PCDH15: variants seen among roughly 807,000 people sequenced by gnomAD.
PCDH15 encodes protocadherin related 15.
A neutral mutation model predicts 178.5 loss-of-function variants in PCDH15; 129 were observed. The observed-to-expected ratio is 0.72, with a 90% CI of 0.63 to 0.84. PCDH15 has a LOEUF of 0.84. PCDH15 is among the 40% of genes least tolerant of loss of function. The pLI, the probability that PCDH15 is intolerant of heterozygous loss-of-function variation, is 0.00. For missense variants in PCDH15, 2,230 were observed against 2,099.9 expected (o/e 1.06, Z -1.21); for synonymous variants, 800 against 732.0 (o/e 1.09, Z -1.50).
At chr10:55,340,166 A>G (rs1844512552) in intron 2 of PCDH15, among the ~76,000 whole-genome samples, 2 of 151,198 alleles carry the variant, frequency 1.3e-5, no homozygotes, top group African/African-American at 4.8e-5. Context: ...ACATATATAT[A>G]GTACCAATAT....
intron 1 of PCDH15, among the ~76,000 whole-genome samples, chr10:54,769,239 C>T (rs1002040298): frequency 4.0e-4 from 60 of 151,784 alleles, no homozygotes; most frequent in South Asian, 2.1e-4. Flanking sequence ...AAGTTAACAG[C>T]GACCTGGTGT....
intron 2 of PCDH15, among the ~76,000 whole-genome samples, chr10:55,500,635 A>T (rs1218572398): frequency 2.0e-5 from 3 of 151,814 alleles, no homozygotes; most frequent in Non-Finnish European, 4.4e-5. Flanking sequence ...TATTGATCTC[A>T]CATAGAATAG....
chr10:55,312,035 T>C (rs995057374), intron 1 of PCDH15, among the ~76,000 whole-genome samples: 7 of 152,036 alleles, frequency 4.6e-5, no homozygotes, highest in African/African-American at 9.7e-5. Context: ...TTAAAAGAGG[T>C]TGTAATGTGG....
intron 2 of PCDH15, among the ~76,000 whole-genome samples, chr10:55,592,608 T>C (rs1403791197): frequency 6.6e-6 from 1 of 152,160 alleles, no homozygotes; most frequent in Non-Finnish European, 1.5e-5. Context: ...TATTCCATGT[T>C]TCTCAAGTTA....
intron 2 of PCDH15, among the ~76,000 whole-genome samples, chr10:54,602,251 T>C (rs542345181): frequency 1.5e-4 from 23 of 152,108 alleles, no homozygotes; most frequent in Admixed American, 1.4e-3. Flanking sequence ...TCAAAGTATT[T>C]ATTCTTATTA....
chr10:54,395,459 G>T (rs74430001), intron 3 of PCDH15, among the ~76,000 whole-genome samples: 1 of 146,804 alleles, frequency 6.8e-6, no homozygotes, highest in Admixed American at 6.8e-5. Context: ...CCCACATTAA[G>T]AACCCACTAA....
At chr10:54,426,990 T>C (rs1956344895) in intron 3 of PCDH15, among the ~76,000 whole-genome samples, 3 of 151,994 alleles carry the variant, frequency 2.0e-5, no homozygotes, top group Admixed American at 2.0e-4. Context: ...CTTAAGTAAA[T>C]GTTTGACAAA....
chr10:54,696,917 A>C (rs1338789349), intron 1 of PCDH15, among the ~76,000 whole-genome samples: 1 of 152,056 alleles, frequency 6.6e-6, no homozygotes, highest in East Asian at 1.9e-4. Flanking sequence ...TCCCCTGACC[A>C]TCAGGCTGTC....
intron 5 of PCDH15, among the ~76,000 whole-genome samples, chr10:54,357,819 T>C (rs1839384925): frequency 6.6e-6 from 1 of 151,936 alleles, no homozygotes; most frequent in Non-Finnish European, 1.5e-5. Context: ...AACAGAGATA[T>C]AGATCAATGG....
At position 54,873,523 on chromosome 10, in the gene PCDH15, C is replaced by T. The variant is rs955316027; in HGVS notation, c.-29+23927G>A. On this transcript the variant is annotated intron_variant, in intron 3 of 5. Coordinates refer to the PCDH15 transcript ENST00000458638. The stretch of plus-strand genomic sequence containing the variant: ...TGTATGTATATATATAATGTATATA[C>T]GTGTATGTATAGATATATGTATGTG... Among the ~76,000 whole-genome samples the T allele has an allele frequency of 8.5e-5, 12 of 141,736 alleles. No individual in the cohort carries two copies. In the South Asian group the frequency reaches 9.0e-4, roughly 11 times the overall value. 93.0% of individuals were successfully genotyped at this position (141,736 alleles called of 152,430 possible).
At chr10:55,260,022 G>A in intron 1 of PCDH15, among the ~76,000 whole-genome samples, 1 of 150,884 alleles carries the variant, frequency 6.6e-6, no homozygotes, top group East Asian at 1.9e-4. Flanking sequence ...GATGGTTAAT[G>A]GTATAAGTTT....
At chr10:55,491,435 T>C (rs894935599) in intron 2 of PCDH15, among the ~76,000 whole-genome samples, 1 of 151,692 alleles carries the variant, frequency 6.6e-6, no homozygotes, top group Non-Finnish European at 1.5e-5. Flanking sequence ...TGCCCCACCT[T>C]GCTCTTCAGA....
At chr10:54,411,760 A>G (rs1277314524) in intron 3 of PCDH15, among the ~76,000 whole-genome samples, 1 of 152,158 alleles carries the variant, frequency 6.6e-6, no homozygotes, top group Non-Finnish European at 1.5e-5. Context: ...TCCAGTAAAC[A>G]AGAAAATGCC....
At chr10:54,036,816 C>T (rs916022130) in intron 18 of PCDH15, among the ~76,000 whole-genome samples, 39 of 151,896 alleles carry the variant, frequency 2.6e-4, no homozygotes, top group Non-Finnish European at 4.3e-4. Context: ...GATGGATCTG[C>T]GCAAAGTGAA....
At chr10:55,308,587 C>T (rs181097755) in intron 1 of PCDH15, among the ~76,000 whole-genome samples, 58 of 152,180 alleles carry the variant, frequency 3.8e-4, no homozygotes, top group Non-Finnish European at 7.5e-4. Flanking sequence ...AGAAAATAAT[C>T]GTTTAAAATA....
chr10:54,077,077 G>C lies in PCDH15; in HGVS notation c.2091+2254C>G, dbSNP rs1020877771. Among the ~76,000 whole-genome samples the C allele has an allele frequency of 3.3e-5, 5 of 151,990 alleles. No homozygotes were observed. The South Asian group carries it at 1.0e-3, about 32-fold the overall frequency. On this transcript the variant is annotated intron_variant, in intron 17 of 37. Coordinates refer to ENST00000644397, the MANE Select transcript of PCDH15 (RefSeq NM_001384140.1). ...ACCCACTGTGTATGCCTACATATAAGTATATCCGTAAAATTATATAAATGA... is the reference window on the plus strand; with the variant it reads ...ACCCACTGTGTATGCCTACATATAACTATATCCGTAAAATTATATAAATGA...
chr10:54,416,403 G>T (rs1954400190), intron 3 of PCDH15, among the ~76,000 whole-genome samples: 1 of 151,906 alleles, frequency 6.6e-6, no homozygotes, highest in Non-Finnish European at 1.5e-5. Flanking sequence ...GTGTTAGTTT[G>T]TTGGGCATGA....
intron 1 of PCDH15, among the ~76,000 whole-genome samples, chr10:55,193,661 T>C (rs1485327041): frequency 1.3e-5 from 2 of 152,006 alleles, no homozygotes; most frequent in African/African-American, 4.8e-5. Flanking sequence ...ATTTAATCCA[T>C]GAATAATGAT....
At chr10:55,297,502 A>C in intron 1 of PCDH15, among the ~76,000 whole-genome samples, 1 of 152,158 alleles carries the variant, frequency 6.6e-6, no homozygotes, top group East Asian at 1.9e-4. Flanking sequence ...GGTAGGAAAT[A>C]AATCTTAAAA....
Sources: allele counts gnomAD v4.1 joint callset (sites outside exome capture counted in the v4.1 genomes callset), GRCh38; gene constraint gnomAD v4.1.1; transcripts MANE v1.5; gene names NCBI Gene and HGNC (gene_info 2026-07-23, HGNC 2026-07-21).